The following ZNF260 variants were observed in gnomAD, a reference collection of about 807,000 sequenced individuals.
The protein encoded by ZNF260 is zfp-260.
In ZNF260, 21 loss-of-function variants were observed where a neutral mutation model predicts 29.3. That is an observed-to-expected ratio of 0.72 (90% CI 0.51 to 1.03). ZNF260 has a LOEUF of 1.03. Among genes scored for constraint, ZNF260 ranks in the 50% least tolerant of loss-of-function variants. ZNF260 has a pLI of 0.00. For synonymous variants in ZNF260, 156 were observed against 156.8 expected, an observed-to-expected ratio of 0.99 and a Z score of 0.04; for missense variants, 465 against 487.8, an observed-to-expected ratio of 0.95 and a Z score of 0.44.
intron 2 of ZNF260, among the ~76,000 whole-genome samples, chr19:36,522,573 T>C (rs140796634): frequency 6.6e-6 from 1 of 152,310 alleles, no homozygotes; most frequent in East Asian, 1.9e-4. Context: ...ACTTTCACAG[T>C]ATAATGCTTG....
chr19:36,524,689 T>C (rs574026095), intron 2 of ZNF260, among the ~76,000 whole-genome samples: 1 of 152,046 alleles, frequency 6.6e-6, no homozygotes, highest in East Asian at 1.9e-4. Context: ...TGTCCCTGGG[T>C]ACTTAAGATT....
intron 2 of ZNF260, among the ~76,000 whole-genome samples, chr19:36,518,786 C>T (rs950033170): frequency 9.2e-5 from 14 of 152,154 alleles, no homozygotes; most frequent in African/African-American, 3.1e-4. Context: ...AAGATAGCGG[C>T]GAAAGCACAT....
At position 36,514,643 on chromosome 19, in the gene ZNF260, T is replaced by C. The variant is rs760820674; in HGVS notation, c.596A>G (p.Lys199Arg). ...KKPFKCSECGKAFSQKENLII... is the reference protein window; with the variant it reads ...KKPFKCSECGRAFSQKENLII... ...GAGGTTTTCCTTCTGGCTAAAAGCT[T>C]TTCCACACTCACTACATTTAAAGGG... The change falls in exon 3 of 3, where the codon AAA (lysine) becomes AGA (arginine). Residue 199 changes from lysine (K) to arginine (R), a missense_variant. Coordinates refer to ENST00000523638, the MANE Select transcript of ZNF260 (RefSeq NM_001166037.2). The C allele has an allele frequency of 3.1e-6, 5 of 1,614,100 alleles. No homozygotes were observed. The South Asian group carries it at 5.5e-5, about 18-fold the overall frequency.
In ZNF260 at chr19:36,515,180, A is replaced by G; in HGVS notation, c.59T>C (p.Ile20Thr). The G allele has an allele frequency of 6.2e-7, 1 of 1,611,702 alleles. No homozygotes were observed. The highest frequency in any genetic ancestry group is 8.5e-7 in the Non-Finnish European group (1 of 1,178,354). The change falls in exon 3 of 3, where the codon ATT becomes ACT. Residue 20 changes from isoleucine to threonine, a missense_variant. Ile to Thr is a moderately conservative substitution (Grantham distance 89, BLOSUM62 -1). Transcript: ENST00000523638. ...TTCATAAGGTTTCTCTCCAGTATGAATTTGATCATGCTGAAGGAGATCTGA... is the reference window on the plus strand; with the variant it reads ...TTCATAAGGTTTCTCTCCAGTATGAGTTTGATCATGCTGAAGGAGATCTGA... ...HESDLLQHDQ[I>T]HTGEKPYECN...
chr19:36,524,517 G>GTTTTTTTTTTTTTTTTTTTT (rs61184857), intron 2 of ZNF260, among the ~76,000 whole-genome samples: 1,217 of 90,528 alleles, frequency 0.013, 182 homozygotes, highest in African/African-American at 0.021. Context: ...TTACATGCTA[G>GTTTTTTTTTTTTTTTTTTTT]TTTTTTTTTT....
Position 36,515,346 on chromosome 19 carries a change from C to A in ZNF260, c.-108G>T. 2.5e-6 allele frequency: 3 copies of A among 1,178,324 alleles called. No individual in the cohort carries two copies. The highest frequency in any genetic ancestry group is 4.1e-5 in the South Asian group (2 of 49,350). 73.0% of individuals were successfully genotyped at this position (1,178,324 alleles called of 1,614,324 possible). Reference sequence around the variant, plus strand: ...ATATGGTGTATTTTCAATATTAATTCTCAGGTATCTAATGAAGTTAAATTT... The same window carrying A: ...ATATGGTGTATTTTCAATATTAATTATCAGGTATCTAATGAAGTTAAATTT... On this transcript the variant is annotated 5_prime_UTR_variant, in exon 3 of 3. Transcript: ENST00000523638.
In ZNF260 at chr19:36,512,439, C is replaced by T. The variant is rs1241670306; in HGVS notation, c.*1561G>A. ...TTCGTTATGTTTACTTAGAATGTTTCTTTTTAATAAGAAATAGATACAAAA... is the reference window on the plus strand; with the variant it reads ...TTCGTTATGTTTACTTAGAATGTTTTTTTTTAATAAGAAATAGATACAAAA... On this transcript the variant is annotated 3_prime_UTR_variant, in exon 3 of 3. Coordinates refer to ENST00000523638, the MANE Select transcript of ZNF260 (RefSeq NM_001166037.2). The T allele has an allele frequency of 6.6e-6, 1 of 152,136 alleles. No homozygotes were observed. The highest frequency in any genetic ancestry group is 2.4e-5 in the African/African-American group (1 of 41,444). 9.4% of individuals were successfully genotyped at this position (152,136 alleles called of 1,614,324 possible). A position where few individuals can be genotyped will look rare whatever the true frequency, so the allele number is the denominator to read the frequency against.
intron 2 of ZNF260, 110 bp from the exon 3 acceptor site, chr19:36,515,809 T>C (rs2034539469): frequency 6.6e-6 from 1 of 152,234 alleles, no homozygotes; most frequent in African/African-American, 2.4e-5. Flanking sequence ...CAACATAATA[T>C]CACTAACACC....
At chr19:36,521,178 G>T (rs2034639868) in intron 2 of ZNF260, among the ~76,000 whole-genome samples, 1 of 151,798 alleles carries the variant, frequency 6.6e-6, no homozygotes, top group African/African-American at 2.4e-5. Flanking sequence ...ACTAAACTTT[G>T]ATTAGATAAT....
Position 36,514,486 on chromosome 19 carries a change from C to A in ZNF260, c.753G>T (p.Lys251Asn). 6.2e-7 allele frequency: 1 copy of A among 1,613,948 alleles called. No individual in the cohort carries two copies. The stretch of plus-strand genomic sequence containing the variant: ...TGCCACTGAAGGCTTTCCCACATTC[C>A]TTACACGTATAAGGTTTCTCTCCTG... ...SHTGEKPYTC[K>N]ECGKAFSGKS... The change falls in exon 3 of 3, where the codon AAG becomes AAT. Residue 251 changes from lysine (K) to asparagine (N), a missense_variant. Physicochemically the swap from Lys to Asn is moderately conservative, Grantham distance 94. Transcript: ENST00000523638.
In ZNF260 at chr19:36,514,037, G is replaced by A. The variant is rs762373643; in HGVS notation, c.1202C>T (p.Ser401Leu). ...AATTCTCTGGTGTCTAATGTGATGT[G>A]ACTTTTGGCTGAAAGCTTTCCCACA... ...SECGKAFSQK[S>L]HHIRHQRIHT... The change falls in exon 3 of 3, where the codon TCA becomes TTA. Residue 401 changes from serine to leucine, a missense_variant. Transcript: ENST00000523638. The A allele has an allele frequency of 3.7e-6, 6 of 1,613,860 alleles. No homozygotes were observed. The highest frequency in any genetic ancestry group is 2.7e-5 in the African/African-American group (2 of 74,902).
Position 36,515,167 on chromosome 19 carries a change from C to A in ZNF260, c.72G>T (p.Glu24Asp). 1 of 1,613,122 alleles carries A rather than the reference C, an allele frequency of 6.2e-7. No individual in the cohort carries two copies. The highest frequency in any genetic ancestry group is 8.5e-7 in the Non-Finnish European group (1 of 1,179,356). ...LLQHDQIHTG[E>D]KPYECNECRK... ...TACATTCATTACATTCATAAGGTTT[C>A]TCTCCAGTATGAATTTGATCATGCT... Residue 24 changes from glutamate to aspartate, a missense_variant, in exon 3 of 3, where the codon GAG (glutamate) becomes GAT (aspartate). Physicochemically the swap from Glu to Asp is conservative, Grantham distance 45. Coordinates refer to ENST00000523638, the MANE Select transcript of ZNF260 (RefSeq NM_001166037.2).
rs188699450 is a variant in ZNF260, at chr19:36,524,780, G to A, written c.-462+375C>T. ...TGAAGGACTGAATGCTTAAGGAAAC[G>A]CATCTAGGCATACAGGGAAAAGTGA... On this transcript the variant is annotated intron_variant, in intron 2 of 2. Transcript: ENST00000523638. Among the ~76,000 whole-genome samples the A allele has an allele frequency of 5.3e-5, 8 of 152,134 alleles. No homozygotes were observed. In the South Asian group the frequency reaches 1.4e-3, roughly 28 times the overall value.
chr19:36,522,444 G>A (rs1043923460), intron 2 of ZNF260, among the ~76,000 whole-genome samples: 1 of 151,756 alleles, frequency 6.6e-6, no homozygotes, highest in African/African-American at 2.4e-5. Flanking sequence ...CAACAAGAGT[G>A]AAACTCCATC....
intron 1 of ZNF260, among the ~76,000 whole-genome samples, chr19:36,527,743 G>T (rs2967451): frequency 0.62 from 94,813 of 151,780 alleles, 30,191 homozygotes; most frequent in Non-Finnish European, 0.67. Flanking sequence ...CCGAAATCTT[G>T]CCTCTTTAAA....
Position 36,514,211 on chromosome 19 carries a change from T to TGA in ZNF260, c.1026_1027dup (p.Gln343LeufsTer10). On this transcript the variant is annotated frameshift_variant, in exon 3 of 3. Transcript: ENST00000523638. LOFTEE classifies it high-confidence loss of function. Reference sequence around the variant, plus strand: ...CATATGCACAGTAAGAGATGAGCTTTGACAGAAGGCTTTCCCACAGACCTT... The same window carrying TGA: ...CATATGCACAGTAAGAGATGAGCTTTGAGACAGAAGGCTTTCCCACAGACCTT... 1 of 1,614,116 alleles carries TGA rather than the reference T, an allele frequency of 6.2e-7. No homozygotes were observed. Among genetic ancestry groups the TGA allele is most frequent in the Non-Finnish European group, 8.5e-7 (1 of 1,179,986 alleles).
At chr19:36,524,534 T>TTTTTTTTTTTTTTTTTTC (rs1555779912) in intron 2 of ZNF260, among the ~76,000 whole-genome samples, 1 of 125,964 alleles carries the variant, frequency 7.9e-6, no homozygotes. Flanking sequence ...TTTTTTTTTT[T>TTTTTTTTTTTTTTTTTTC]ATTGATCATT....
At position 36,514,296 on chromosome 19, in the gene ZNF260, G is replaced by C; in HGVS notation, c.943C>G (p.Arg315Gly). The change falls in exon 3 of 3, where the codon CGA (arginine) becomes GGA (glycine). Residue 315 changes from arginine to glycine, a missense_variant. Physicochemically the swap from Arg to Gly is moderately radical, Grantham distance 125. Coordinates refer to ENST00000523638, the MANE Select transcript of ZNF260 (RefSeq NM_001166037.2). ...ECNKCGKAFS[R>G]ITSLIVHVRI... ...ACATGTACAATAAGTGATGTGATTC[G>C]AGAGAAGGCTTTTCCACATTTATTA... 6.2e-7 allele frequency: 1 copy of C among 1,614,058 alleles called. No individual in the cohort carries two copies. The highest frequency in any genetic ancestry group is 8.5e-7 in the Non-Finnish European group (1 of 1,180,000).
chr19:36,526,566 A>G (rs1247956910), intron 1 of ZNF260, among the ~76,000 whole-genome samples: 1 of 152,106 alleles, frequency 6.6e-6, no homozygotes, highest in East Asian at 1.9e-4. Flanking sequence ...AGTGAATGGA[A>G]GTATATTTAC....
Sources: allele counts gnomAD v4.1 joint callset (sites outside exome capture counted in the v4.1 genomes callset), GRCh38; gene constraint gnomAD v4.1.1; transcripts MANE v1.5; gene names NCBI Gene and HGNC (gene_info 2026-07-23, HGNC 2026-07-21).